The following FYB1 variants were observed in gnomAD, a reference collection of about 807,000 sequenced individuals.
FYB1 encodes FYN-binding protein 1.
In FYB1, 41 loss-of-function variants were observed where a neutral mutation model predicts 94.1. That is an observed-to-expected ratio of 0.44 (90% CI 0.34 to 0.57). The LOEUF is 0.57. Ranked by LOEUF, FYB1 falls within the 20% of genes least tolerant of loss-of-function variation. FYB1 has a pLI of 0.02. For synonymous variants in FYB1, 367 were observed against 353.2 expected (o/e 1.04, Z -0.44); for missense variants, 1,050 against 976.8 (o/e 1.07, Z -1.00).
chr5:39,145,426 T>A (rs778323667), intron 3 of FYB1, among the ~76,000 whole-genome samples: 2 of 152,138 alleles, frequency 1.3e-5, no homozygotes, highest in African/African-American at 2.4e-5. Flanking sequence ...TAAACAGAAC[T>A]ATTGATTTGA....
intron 1 of FYB1, chr5:39,270,691 G>A (rs936872991): frequency 4.0e-5 from 37 of 924,634 alleles, no homozygotes; most frequent in Non-Finnish European, 5.8e-5. Flanking sequence ...TGTGTGGTCT[G>A]TCCAGCTTTC....
intron 2 of FYB1, among the ~76,000 whole-genome samples, chr5:39,155,649 T>G (rs1434059282): frequency 6.6e-6 from 1 of 152,176 alleles, no homozygotes; most frequent in Non-Finnish European, 1.5e-5. Flanking sequence ...AAACAGTACA[T>G]TTTCTCCTAC....
Position 39,110,393 on chromosome 5 carries a change from C to T in FYB1, c.2402-4G>A, listed in dbSNP as rs370794385. Reference sequence around the variant, plus strand: ...TAACTCCGAAGGACATAACCATCTACGAAGGAAAAAGGAAATAAATTGTAT... The same window carrying T: ...TAACTCCGAAGGACATAACCATCTATGAAGGAAAAAGGAAATAAATTGTAT... On this transcript the variant is annotated splice_polypyrimidine_tract_variant and splice_region_variant and intron_variant, in intron 16 of 18. Transcript: ENST00000512982. 5.2e-5 allele frequency: 83 copies of T among 1,586,548 alleles called. No individual in the cohort carries two copies. The highest frequency in any genetic ancestry group is 9.4e-5 in the African/African-American group (7 of 74,206).
At chr5:39,256,794 G>A (rs969188771) in intron 1 of FYB1, among the ~76,000 whole-genome samples, 16 of 152,182 alleles carry the variant, frequency 1.1e-4, no homozygotes, top group African/African-American at 3.9e-4. Flanking sequence ...AGCCTGAAAT[G>A]CTGTCTCATG....
rs16868300 is a variant in FYB1 at position 39,197,920 on chromosome 5, A to C, written c.1135+3906T>G. On this transcript the variant is annotated intron_variant, in intron 2 of 18. Coordinates refer to ENST00000512982, the MANE Select transcript of FYB1 (RefSeq NM_001465.6). ...GTTTGACTCTGGCATCATAAATCACAAATACATTTCTATATTACAAACAGA... is the reference window on the plus strand; with the variant it reads ...GTTTGACTCTGGCATCATAAATCACCAATACATTTCTATATTACAAACAGA... 9.1e-3 allele frequency among the ~76,000 whole-genome samples: 1,391 copies of C among 152,312 alleles called. 158 individuals carry two copies. In the East Asian group the frequency reaches 0.23, roughly 26 times the overall value.
chr5:39,257,110 C>A (rs1216685008), intron 1 of FYB1, among the ~76,000 whole-genome samples: 3 of 152,294 alleles, frequency 2.0e-5, no homozygotes, highest in Non-Finnish European at 2.9e-5. Flanking sequence ...CCAGAACTTG[C>A]ATAAGGGCTG....
At chr5:39,187,336 T>C (rs577518084) in intron 2 of FYB1, among the ~76,000 whole-genome samples, 55 of 152,336 alleles carry the variant, frequency 3.6e-4, no homozygotes, top group African/African-American at 1.3e-3. Flanking sequence ...GATCCAACGA[T>C]AAAGCATTAT....
chr5:39,259,890 C>G (rs567975284), intron 1 of FYB1, among the ~76,000 whole-genome samples: 1 of 152,238 alleles, frequency 6.6e-6, no homozygotes, highest in African/African-American at 2.4e-5. Context: ...GAGCAACTTT[C>G]CTGGTCTGTC....
chr5:39,169,198 TG>T, intron 2 of FYB1: 1 of 855,706 alleles, frequency 1.2e-6, no homozygotes, highest in Non-Finnish European at 2.0e-6. Flanking sequence ...TTGCAACATC[TG>T]GGCTCAGTTC....
intron 1 of FYB1, among the ~76,000 whole-genome samples, chr5:39,203,434 A>G (rs767033221): frequency 6.6e-6 from 1 of 152,192 alleles, no homozygotes; most frequent in Non-Finnish European, 1.5e-5. Flanking sequence ...CTGTAAATTG[A>G]GGCTGTGTGC....
chr5:39,236,426 C>T (rs266897), intron 1 of FYB1, among the ~76,000 whole-genome samples: 2 of 151,840 alleles, frequency 1.3e-5, no homozygotes, highest in Non-Finnish European at 2.9e-5. Context: ...AAATATAGGC[C>T]ATTAATGTAG....
chr5:39,179,548 C>CTTTTTTT (rs11405241), intron 2 of FYB1, among the ~76,000 whole-genome samples: 1 of 139,620 alleles, frequency 7.2e-6, no homozygotes, highest in African/African-American at 2.6e-5. Context: ...CTTCTTTTTT[C>CTTTTTTT]TTTTTTTTTT....
chr5:39,227,186 T>G (rs1486465342), intron 1 of FYB1, among the ~76,000 whole-genome samples: 1 of 152,212 alleles, frequency 6.6e-6, no homozygotes, highest in African/African-American at 2.4e-5. Flanking sequence ...TGGAGAAACT[T>G]GTCCAGATTA....
At chr5:39,262,454 G>A (rs1309033488) in intron 1 of FYB1, among the ~76,000 whole-genome samples, 2 of 152,120 alleles carry the variant, frequency 1.3e-5, no homozygotes, top group Non-Finnish European at 1.5e-5. Flanking sequence ...ACAGTTTTAC[G>A]TGTAACAAAT....
intron 17 of FYB1, among the ~76,000 whole-genome samples, 170 bp from the exon 18 acceptor site, chr5:39,108,432 C>G (rs1738736559): frequency 6.6e-6 from 1 of 152,054 alleles, no homozygotes; most frequent in South Asian, 2.1e-4. Context: ...TCTCTTCTTT[C>G]ATTGACTTAA....
In FYB1 at chr5:39,107,368, C is replaced by G; in HGVS notation, c.*75G>C. ...TTTTGTGCATTAATTTTCTTGATAC[C>G]CAATAACATGCCAATTAAAATCCAG... On this transcript the variant is annotated 3_prime_UTR_variant, in exon 19 of 19. Coordinates refer to ENST00000512982, the MANE Select transcript of FYB1 (RefSeq NM_001465.6). 9.9e-7 allele frequency: 1 copy of G among 1,011,580 alleles called. No individual in the cohort carries two copies. Among genetic ancestry groups the G allele is most frequent in the South Asian group, 2.0e-5 (1 of 50,172 alleles). 62.7% of individuals were successfully genotyped at this position (1,011,580 alleles called of 1,614,324 possible).
In FYB1 at chr5:39,202,470, T is replaced by C; in HGVS notation, c.491A>G (p.Asn164Ser). Residue 164 changes from asparagine to serine, a missense_variant, in exon 2 of 19, where the codon AAT (asparagine) becomes AGT (serine). Coordinates refer to ENST00000512982, the MANE Select transcript of FYB1 (RefSeq NM_001465.6). ...TTTGGGAAACGCTTGCTTCTGTTCA[T>C]TTTCTGAGGTTGGAGGAGTAGGCCC... ...KSGPTPPTSE[N>S]EQKQAFPKLT... The C allele has an allele frequency of 6.2e-7, 1 of 1,613,950 alleles. No homozygotes were observed. The highest frequency in any genetic ancestry group is 8.5e-7 in the Non-Finnish European group (1 of 1,179,874).
intron 1 of FYB1, chr5:39,270,776 CTTG>C (rs1367522739): frequency 3.1e-5 from 14 of 452,722 alleles, no homozygotes; most frequent in Non-Finnish European, 5.5e-5. Flanking sequence ...CCAGGTTTAT[CTTG>C]TTATTATTTT....
chr5:39,196,503 T>A (rs1276393259), intron 2 of FYB1, among the ~76,000 whole-genome samples: 1 of 152,202 alleles, frequency 6.6e-6, no homozygotes, highest in South Asian at 2.1e-4. Flanking sequence ...TCTGGTTAAA[T>A]AGAATTCTGT....
Sources: gnomAD v4.1 joint callset for allele counts (sites outside exome capture counted in the v4.1 genomes callset) on GRCh38, gnomAD v4.1.1 for gene constraint, MANE v1.5 for transcripts, NCBI Gene and HGNC (gene_info 2026-07-23, HGNC 2026-07-21) for gene names.